The following NRP1 variants were observed in gnomAD, a reference collection of about 807,000 sequenced individuals.
The protein encoded by NRP1 is neuropilin 1.
NRP1 carries 35 observed loss-of-function variants against 106.7 expected under a neutral mutation model. The observed-to-expected ratio is 0.33, with a 90% confidence interval of 0.25 to 0.43. The LOEUF is 0.43. Ranked by LOEUF, NRP1 falls within the 20% of genes least tolerant of loss-of-function variation. The pLI is 1.00. For synonymous variants in NRP1, 437 were observed against 417.9 expected, an observed-to-expected ratio of 1.05 and a Z score of -0.56; for missense variants, 1,024 against 1,170.4, an observed-to-expected ratio of 0.87 and a Z score of 1.83.
chr10:33,273,315 C>T (rs1843448979), intron 2 of NRP1, among the ~76,000 whole-genome samples: 1 of 152,196 alleles, frequency 6.6e-6, no homozygotes, highest in East Asian at 1.9e-4. Flanking sequence ...GGAGGGTGTA[C>T]TGCGCACAAG....
At position 33,213,401 on chromosome 10, in the gene NRP1, G is replaced by T. The variant is rs367951672; in HGVS notation, c.1599C>A (p.Ser533Arg). Residue 533 changes from serine to arginine, a missense_variant, in exon 9 of 17, where the codon AGC becomes AGA. By Grantham distance (110) the Ser-to-Arg change is moderately radical. This residue lies in a region of NRP1 where 562 missense variants were observed against 620.3 expected (regional missense o/e 0.91). Coordinates refer to ENST00000374867, the MANE Select transcript of NRP1 (RefSeq NM_003873.7). ...CAGCCCTCACCTTCGCCTTGCGTTT[G>T]CTGTCATCCATGATCATCTTCCAGT... ...GSDWKMIMDDSKRKAKSFEGN... is the reference protein window; with the variant it reads ...GSDWKMIMDDRKRKAKSFEGN... 1 of 1,613,962 alleles carries T rather than the reference G, an allele frequency of 6.2e-7. No homozygotes were observed. Among genetic ancestry groups the T allele is most frequent in the East Asian group, 2.2e-5 (1 of 44,846 alleles).
intron 2 of NRP1, among the ~76,000 whole-genome samples, chr10:33,282,998 C>T (rs112649086): frequency 1.0e-3 from 155 of 152,258 alleles, no homozygotes; most frequent in African/African-American, 3.6e-3. Flanking sequence ...CCTGTCTCAG[C>T]CTCCCAAAGT....
intron 2 of NRP1, among the ~76,000 whole-genome samples, chr10:33,319,592 T>C (rs1358751625): frequency 2.6e-4 from 38 of 147,136 alleles, no homozygotes; most frequent in African/African-American, 6.6e-4. Flanking sequence ...TTCTTTCTTT[T>C]TTTTTTTTTT....
chr10:33,326,399 T>A (rs1411927), intron 2 of NRP1, among the ~76,000 whole-genome samples: 3,540 of 152,282 alleles, frequency 0.023, 126 homozygotes, highest in African/African-American at 0.081. Context: ...TCTTTTCTAT[T>A]TTTAATTATG....
At chr10:33,225,256 G>A (rs1273160314) in intron 7 of NRP1, among the ~76,000 whole-genome samples, 2 of 152,068 alleles carry the variant, frequency 1.3e-5, no homozygotes, top group African/African-American at 2.4e-5. Context: ...CACACCCAGG[G>A]GGCTTTTCTC....
At chr10:33,257,684 T>C (rs1362829915) in intron 4 of NRP1, among the ~76,000 whole-genome samples, 1 of 152,136 alleles carries the variant, frequency 6.6e-6, no homozygotes, top group Non-Finnish European at 1.5e-5. Flanking sequence ...CACACCTTTG[T>C]TGAAGTGCTT....
chr10:33,273,856 C>T (rs1484770334), intron 2 of NRP1, among the ~76,000 whole-genome samples: 2 of 152,150 alleles, frequency 1.3e-5, no homozygotes, highest in African/African-American at 4.8e-5. Flanking sequence ...CCAAAGGGCA[C>T]CACCGTTCTA....
intron 10 of NRP1, among the ~76,000 whole-genome samples, chr10:33,203,653 C>T (rs1435154683): frequency 2.0e-5 from 3 of 151,462 alleles, no homozygotes; most frequent in Non-Finnish European, 4.4e-5. Flanking sequence ...GACTGCATTC[C>T]ACTGTTCACA....
At chr10:33,271,596 G>C (rs1476268330) in intron 2 of NRP1, among the ~76,000 whole-genome samples, 1 of 152,172 alleles carries the variant, frequency 6.6e-6, no homozygotes, top group East Asian at 1.9e-4. Context: ...CGTTGTTTGA[G>C]AAAGAAACGC....
chr10:33,191,081 C>T (rs1836379567), intron 13 of NRP1, among the ~76,000 whole-genome samples: 2 of 152,156 alleles, frequency 1.3e-5, no homozygotes, highest in Non-Finnish European at 1.5e-5. Flanking sequence ...TGGTCTCTAA[C>T]TCTCTAACTC....
intron 2 of NRP1, among the ~76,000 whole-genome samples, chr10:33,315,239 A>G (rs1223181452): frequency 6.6e-6 from 1 of 152,266 alleles, no homozygotes; most frequent in East Asian, 1.9e-4. Context: ...TCAAATGTAA[A>G]AATTCAAGCT....
chr10:33,281,949 G>A (rs1844165881), intron 2 of NRP1, among the ~76,000 whole-genome samples: 2 of 152,092 alleles, frequency 1.3e-5, no homozygotes, highest in African/African-American at 2.4e-5. Context: ...TATCTCCCAG[G>A]GGACTCTGTA....
At chr10:33,283,852 A>G (rs1408993519) in intron 2 of NRP1, among the ~76,000 whole-genome samples, 2 of 152,266 alleles carry the variant, frequency 1.3e-5, no homozygotes, top group Non-Finnish European at 1.5e-5. Context: ...AAGTTTAACC[A>G]TATGACCACA....
chr10:33,259,249 A>T (rs998219480), intron 4 of NRP1, among the ~76,000 whole-genome samples: 3 of 152,148 alleles, frequency 2.0e-5, no homozygotes, highest in African/African-American at 7.2e-5. Context: ...ATGCTGGGTA[A>T]ATCTGCCTTC....
At chr10:33,325,458 A>T in intron 2 of NRP1, among the ~76,000 whole-genome samples, 1 of 152,206 alleles carries the variant, frequency 6.6e-6, no homozygotes, top group East Asian at 1.9e-4. Context: ...AATATTACTC[A>T]TATTACTCAG....
chr10:33,334,352 C>A lies in NRP1; in HGVS notation c.31G>T (p.Val11Leu). Reference protein sequence around the residue: MERGLPLLCAVLALVLAPAGA... With the variant: MERGLPLLCALLALVLAPAGA... The stretch of plus-strand genomic sequence containing the variant: ...GCCGGGGCGAGGACGAGGGCGAGCA[C>A]GGCGCAGAGGAGCGGCAGCCCCCTC... The change falls in exon 1 of 17, where the codon GTG becomes TTG. Residue 11 changes from valine to leucine, a missense_variant. Physicochemically the swap from Val to Leu is conservative, Grantham distance 32. Coordinates refer to ENST00000374867, the MANE Select transcript of NRP1 (RefSeq NM_003873.7). The A allele has an allele frequency of 6.5e-7, 1 of 1,546,838 alleles. No individual in the cohort carries two copies. Among genetic ancestry groups the A allele is most frequent in the Non-Finnish European group, 8.7e-7 (1 of 1,147,488 alleles).
chr10:33,223,468 A>T (rs1839416192), intron 7 of NRP1, among the ~76,000 whole-genome samples: 1 of 151,732 alleles, frequency 6.6e-6, no homozygotes, highest in Admixed American at 6.6e-5. Context: ...ATTAAAAAAA[A>T]AAAAAAATTA....
chr10:33,328,258 C>G (rs74481906), intron 2 of NRP1, among the ~76,000 whole-genome samples: 7,731 of 152,180 alleles, frequency 0.051, 217 homozygotes, highest in Middle Eastern at 0.082. Context: ...CCACCTGACA[C>G]CATGATATGA....
chr10:33,256,662 C>G (rs1236057124), intron 4 of NRP1, among the ~76,000 whole-genome samples, 191 bp from the exon 5 acceptor site: 1 of 152,218 alleles, frequency 6.6e-6, no homozygotes, highest in Admixed American at 6.5e-5. Flanking sequence ...TTAAAGTGTA[C>G]TCAGAAGGGC....
Sources: allele counts gnomAD v4.1 joint callset (sites outside exome capture counted in the v4.1 genomes callset), GRCh38; gene constraint gnomAD v4.1.1; regional missense constraint gnomAD v4.1.1; transcripts MANE v1.5; gene names NCBI Gene and HGNC (gene_info 2026-07-23, HGNC 2026-07-21).